The following PXDNL variants were observed in gnomAD, a reference collection of about 807,000 sequenced individuals.
The protein encoded by PXDNL is probable oxidoreductase PXDNL.
In PXDNL, 145 loss-of-function variants were observed where a neutral mutation model predicts 150.8. That is an observed-to-expected ratio of 0.96 (90% CI 0.84 to 1.10). The LOEUF (loss-of-function observed/expected upper bound fraction) is 1.10, where lower values mean the gene tolerates loss of function less well. PXDNL is among the 50% of genes least tolerant of loss of function. The pLI, the probability that PXDNL is intolerant of heterozygous loss-of-function variation, is 0.00. For synonymous variants in PXDNL, 757 were observed against 725.7 expected, an observed-to-expected ratio of 1.04 and a Z score of -0.69; for missense variants, 2,087 against 1,873.9, an observed-to-expected ratio of 1.11 and a Z score of -2.10.
intron 19 of PXDNL, among the ~76,000 whole-genome samples, chr8:51,363,630 C>G (rs1419604343): frequency 6.6e-6 from 1 of 152,158 alleles, no homozygotes; most frequent in Non-Finnish European, 1.5e-5. Flanking sequence ...GTCAGGGGTC[C>G]ATCTTTAACT....
chr8:51,491,421 TATG>T (rs552867953), intron 5 of PXDNL, among the ~76,000 whole-genome samples: 81 of 152,330 alleles, frequency 5.3e-4, no homozygotes, highest in African/African-American at 1.9e-3. Flanking sequence ...AGCTCTATTT[TATG>T]ATATGATTTG....
chr8:51,769,241 C>G (rs1441214682), intron 1 of PXDNL, among the ~76,000 whole-genome samples: 1 of 152,210 alleles, frequency 6.6e-6, no homozygotes, highest in Non-Finnish European at 1.5e-5. Flanking sequence ...ATGCTAACTG[C>G]TCCTCAGAAT....
chr8:51,359,698 A>G (rs879284017), intron 19 of PXDNL, among the ~76,000 whole-genome samples: 4 of 152,224 alleles, frequency 2.6e-5, no homozygotes, highest in African/African-American at 4.8e-5. Context: ...ATTGATAAGG[A>G]AAGTTACATC....
intron 1 of PXDNL, among the ~76,000 whole-genome samples, chr8:51,714,633 G>C (rs1057382584): frequency 1.2e-4 from 18 of 152,116 alleles, no homozygotes; most frequent in Admixed American, 2.6e-4. Flanking sequence ...TTTTCACACA[G>C]AGAACAGTTC....
At chr8:51,750,025 C>A (rs892137888) in intron 1 of PXDNL, among the ~76,000 whole-genome samples, 1 of 152,064 alleles carries the variant, frequency 6.6e-6, no homozygotes, top group Non-Finnish European at 1.5e-5. Context: ...TTAAAATTTT[C>A]TATCTTCAAC....
At chr8:51,369,760 C>G (rs992470386) in intron 19 of PXDNL, among the ~76,000 whole-genome samples, 1 of 152,138 alleles carries the variant, frequency 6.6e-6, no homozygotes, top group African/African-American at 2.4e-5. Flanking sequence ...AAAGAGTATT[C>G]TTATTATTGA....
chr8:51,766,896 C>T (rs1438868723), intron 1 of PXDNL, among the ~76,000 whole-genome samples: 1 of 151,782 alleles, frequency 6.6e-6, no homozygotes, highest in Non-Finnish European at 1.5e-5. Context: ...TTTAAATATT[C>T]TTTCCGTCCC....
At chr8:51,758,623 G>A (rs2037128608) in intron 1 of PXDNL, among the ~76,000 whole-genome samples, 1 of 152,260 alleles carries the variant, frequency 6.6e-6, no homozygotes. Context: ...GTTTTCACGA[G>A]ATCTGATGGT....
intron 8 of PXDNL, among the ~76,000 whole-genome samples, chr8:51,467,651 T>C (rs1162823863): frequency 6.6e-6 from 1 of 152,080 alleles, no homozygotes; most frequent in Non-Finnish European, 1.5e-5. Context: ...AAAGTCTGGT[T>C]GGCTTTTAAA....
chr8:51,790,790 A>G (rs905119481), intron 1 of PXDNL, among the ~76,000 whole-genome samples: 1 of 29,072 alleles, frequency 3.4e-5, no homozygotes, highest in Admixed American at 9.2e-4. Context: ...TCTTTTATAT[A>G]TATATATGTG....
At chr8:51,795,828 C>T (rs1456831205) in intron 1 of PXDNL, among the ~76,000 whole-genome samples, 1 of 152,196 alleles carries the variant, frequency 6.6e-6, no homozygotes, top group Non-Finnish European at 1.5e-5. Flanking sequence ...GCCAGTGAGA[C>T]TTACATTTAT....
intron 19 of PXDNL, among the ~76,000 whole-genome samples, chr8:51,347,147 A>G (rs1258639996): frequency 2.0e-5 from 3 of 152,202 alleles, no homozygotes; most frequent in Non-Finnish European, 4.4e-5. Flanking sequence ...TTAACACATT[A>G]TATTAGGCAG....
chr8:51,717,953 G>A (rs1279853799), intron 1 of PXDNL, among the ~76,000 whole-genome samples: 8 of 152,214 alleles, frequency 5.3e-5, no homozygotes, highest in African/African-American at 1.9e-4. Context: ...TGAGAGTCAT[G>A]CTGAATATGT....
intron 1 of PXDNL, among the ~76,000 whole-genome samples, chr8:51,703,183 C>T (rs1265253115): frequency 2.0e-5 from 3 of 151,984 alleles, no homozygotes; most frequent in Admixed American, 2.0e-4. Context: ...TTTTAATTTT[C>T]TGTGCTATCT....
intron 1 of PXDNL, among the ~76,000 whole-genome samples, chr8:51,784,622 T>A (rs2037444152): frequency 6.6e-6 from 1 of 152,190 alleles, no homozygotes; most frequent in Non-Finnish European, 1.5e-5. Flanking sequence ...TGGAAACAAG[T>A]GCAACATGCT....
chr8:51,331,566 A>T (rs1296781983), intron 21 of PXDNL, among the ~76,000 whole-genome samples: 1 of 152,124 alleles, frequency 6.6e-6, no homozygotes, highest in Non-Finnish European at 1.5e-5. Flanking sequence ...CGTAGCTGGG[A>T]GGCAGAAAGC....
intron 4 of PXDNL, among the ~76,000 whole-genome samples, chr8:51,527,728 G>T (rs114026431): frequency 2.6e-5 from 4 of 152,326 alleles, no homozygotes; most frequent in African/African-American, 9.6e-5. Flanking sequence ...ACCATCTGCA[G>T]GAGTGTGAAG....
intron 4 of PXDNL, among the ~76,000 whole-genome samples, chr8:51,505,926 G>A (rs1253624751): frequency 6.6e-6 from 1 of 152,138 alleles, no homozygotes; most frequent in Non-Finnish European, 1.5e-5. Flanking sequence ...TAGCAAGCAA[G>A]AATTATCTAT....
In PXDNL at chr8:51,409,138, C is replaced by T; in HGVS notation, c.2486G>A (p.Gly829Glu). 5.0e-6 allele frequency: 8 copies of T among 1,604,576 alleles called. No individual in the cohort carries two copies. Among genetic ancestry groups the T allele is most frequent in the Non-Finnish European group, 6.8e-6 (8 of 1,178,620 alleles). ...PALSTARFSDGRPCSSVCTND... is the reference protein window; with the variant it reads ...PALSTARFSDERPCSSVCTND... ...GGTGCAGACGGAGCTGCACGGCCGC[C>T]CATCCGAGAAGCGGGCTGTGCTCAG... Residue 829 changes from glycine (G) to glutamate (E), a missense_variant, in exon 17 of 23, where the codon GGG becomes GAG. Transcript: ENST00000356297.
Sources: allele counts gnomAD v4.1 joint callset (sites outside exome capture counted in the v4.1 genomes callset), GRCh38; gene constraint gnomAD v4.1.1; transcripts MANE v1.5; gene names NCBI Gene and HGNC (gene_info 2026-07-23, HGNC 2026-07-21).